CXADR: variants seen among roughly 807,000 people sequenced by gnomAD.
The protein encoded by CXADR is coxsackievirus and adenovirus receptor.
In CXADR, 20 loss-of-function variants were observed where a neutral mutation model predicts 40.3. That is an observed-to-expected ratio of 0.50 (90% confidence interval 0.35 to 0.72). CXADR has a LOEUF of 0.72. Among genes scored for constraint, CXADR ranks in the 30% least tolerant of loss-of-function variants. The probability of loss-of-function intolerance (pLI) is 0.01; values close to 1 mark genes in which losing one functional copy is unlikely to be tolerated. For synonymous variants in CXADR, 150 were observed against 161.3 expected, an observed-to-expected ratio of 0.93 and a Z score of 0.53; for missense variants, 332 against 449.1, an observed-to-expected ratio of 0.74 and a Z score of 2.36.
At chr21:17,559,357 A>T (rs373489250) in intron 4 of CXADR, among the ~76,000 whole-genome samples, 130 of 29,660 alleles carry the variant, frequency 4.4e-3, no homozygotes, top group African/African-American at 7.2e-3. Flanking sequence ...TTTTTTTTTT[A>T]AAAAATGTGT....
Position 17,567,522 on chromosome 21 carries a change from G to A in CXADR, c.*1830G>A, listed in dbSNP as rs1326155762. The A allele has an allele frequency of 5.1e-6, 5 of 985,192 alleles. No homozygotes were observed. In the African/African-American group the frequency reaches 8.7e-5, roughly 17 times the overall value. The allele number at this position is 985,192 out of a possible 1,614,324, so 61.0% of individuals were successfully genotyped here. ...ACTGTTTCTAAAAACACATCACTGT[G>A]ATACCTTTCTATCCTCACATTTTCA... On this transcript the variant is annotated 3_prime_UTR_variant, in exon 7 of 7. Transcript: ENST00000284878.
At chr21:17,559,312 T>G (rs1038527867) in intron 4 of CXADR, among the ~76,000 whole-genome samples, 181 bp downstream of exon 4, 4 of 151,534 alleles carry the variant, frequency 2.6e-5, no homozygotes, top group Non-Finnish European at 5.9e-5. Context: ...CCCAGTTAGC[T>G]GGAACTACAG....
intron 6 of CXADR, among the ~76,000 whole-genome samples, 180 bp from the exon 7 acceptor site, chr21:17,565,248 A>G (rs530036508): frequency 6.6e-6 from 1 of 152,158 alleles, no homozygotes; most frequent in Admixed American, 6.5e-5. Context: ...TACACAATTT[A>G]TGACGTTATG....
chr21:17,567,813 T>A lies in CXADR; in HGVS notation c.*2121T>A. The A allele has an allele frequency of 1.0e-6, 1 of 952,922 alleles. No homozygotes were observed. The highest frequency in any genetic ancestry group is 1.2e-6 in the Non-Finnish European group (1 of 800,424). The allele number at this position is 952,922 out of a possible 1,614,324, so 59.0% of individuals were successfully genotyped here. ...CATATAATGAAAATTATCCTATTGATCTAAGTAGAAGTTATCATAGAAAGT... is the reference window on the plus strand; with the variant it reads ...CATATAATGAAAATTATCCTATTGAACTAAGTAGAAGTTATCATAGAAAGT... On this transcript the variant is annotated 3_prime_UTR_variant, in exon 7 of 7. Transcript: ENST00000284878.
chr21:17,515,762 C>T (rs1355212742), intron 1 of CXADR, among the ~76,000 whole-genome samples: 5 of 150,600 alleles, frequency 3.3e-5, no homozygotes, highest in Non-Finnish European at 5.9e-5. Context: ...GCCCACATCG[C>T]GCCACTGCAT....
chr21:17,520,087 C>T (rs374579359), intron 1 of CXADR, among the ~76,000 whole-genome samples: 6 of 152,066 alleles, frequency 3.9e-5, no homozygotes, highest in Non-Finnish European at 7.3e-5. Flanking sequence ...TTTCCAACTG[C>T]GTAACTATTC....
chr21:17,523,367 A>G (rs539434021), intron 1 of CXADR, among the ~76,000 whole-genome samples: 1 of 152,176 alleles, frequency 6.6e-6, no homozygotes, highest in Non-Finnish European at 1.5e-5. Flanking sequence ...TTTGAAGATC[A>G]AGAATAGGTA....
chr21:17,595,788 G>C (rs1454773430), downstream of CXADR, among the ~76,000 whole-genome samples: 1 of 151,780 alleles, frequency 6.6e-6, no homozygotes, highest in Non-Finnish European at 1.5e-5. Flanking sequence ...CGTTTCTTTT[G>C]GTAAATATTT....
chr21:17,600,231 A>C, the CXADR span, among the ~76,000 whole-genome samples: 6 of 152,244 alleles, frequency 3.9e-5, no homozygotes, highest in Non-Finnish European at 8.8e-5. Context: ...GAAATCCACA[A>C]ATCTATTTAA....
chr21:17,594,584 AC>A (rs1219177087), downstream of CXADR, among the ~76,000 whole-genome samples: 4 of 152,044 alleles, frequency 2.6e-5, no homozygotes. Flanking sequence ...AACAACTTCA[AC>A]CAAAAAAGAC....
chr21:17,519,586 T>C (rs1456982452), intron 1 of CXADR, among the ~76,000 whole-genome samples: 2 of 152,186 alleles, frequency 1.3e-5, no homozygotes, highest in Non-Finnish European at 2.9e-5. Context: ...CCTATTTTGG[T>C]TCTTTCCCAC....
At position 17,567,044 on chromosome 21, in the gene CXADR, A is replaced by T; in HGVS notation, c.*1352A>T. ...GTGCTAAATATCATTTTAGGAGAAG[A>T]AAGTGGGTTTATTGTATTTCCCTTA... On this transcript the variant is annotated 3_prime_UTR_variant, in exon 7 of 7. Transcript: ENST00000284878. 1 of 983,420 alleles carries T rather than the reference A, an allele frequency of 1.0e-6. No homozygotes were observed. Among genetic ancestry groups the T allele is most frequent in the Non-Finnish European group, 1.2e-6 (1 of 828,150 alleles). 60.9% of individuals were successfully genotyped at this position (983,420 alleles called of 1,614,324 possible).
the CXADR span, among the ~76,000 whole-genome samples, chr21:17,625,238 A>T: frequency 3.7e-4 from 52 of 142,042 alleles, no homozygotes; most frequent in African/African-American, 1.2e-3. Flanking sequence ...TTTTTTTTTT[A>T]AACTTATTCA....
intron 7 of CXADR, among the ~76,000 whole-genome samples, chr21:17,589,656 A>G (rs190931133): frequency 2.0e-5 from 3 of 151,966 alleles, no homozygotes; most frequent in Non-Finnish European, 2.9e-5. Flanking sequence ...CAGATGTTCA[A>G]ATTTTATTAA....
At chr21:17,635,479 A>C in the CXADR span, among the ~76,000 whole-genome samples, 1 of 152,012 alleles carries the variant, frequency 6.6e-6, no homozygotes, top group Non-Finnish European at 1.5e-5. Context: ...AGGTAATCCT[A>C]CTCCATCCTC....
intron 7 of CXADR, among the ~76,000 whole-genome samples, chr21:17,589,835 G>C (rs983768773): frequency 2.6e-5 from 4 of 151,996 alleles, no homozygotes; most frequent in African/African-American, 9.7e-5. Context: ...CTTCAAGAAG[G>C]TGTAACTGCC....
the CXADR span, among the ~76,000 whole-genome samples, chr21:17,626,242 TC>T: frequency 2.2e-3 from 341 of 152,336 alleles, 1 homozygote; most frequent in African/African-American, 7.6e-3. Context: ...AACATACCTA[TC>T]CCCTTGGAAT....
chr21:17,519,920 C>T (rs368915055), intron 1 of CXADR, among the ~76,000 whole-genome samples: 2 of 151,934 alleles, frequency 1.3e-5, no homozygotes, highest in South Asian at 2.1e-4. Context: ...GATCGCGCCA[C>T]TGCACTCCAG....
chr21:17,599,069 TCTA>T, the CXADR span: 5 of 367,470 alleles, frequency 1.4e-5, no homozygotes, highest in Admixed American at 1.3e-4. Flanking sequence ...TTATTTTCTT[TCTA>T]CTAATTCCTA....
Sources: allele counts gnomAD v4.1 joint callset (sites outside exome capture counted in the v4.1 genomes callset), GRCh38; gene constraint gnomAD v4.1.1; transcripts MANE v1.5; gene names NCBI Gene and HGNC (gene_info 2026-07-23, HGNC 2026-07-21).